SCRN3: variants seen among roughly 807,000 people sequenced by gnomAD.
SCRN3 encodes secernin 3, also known as secernin-3.
A neutral mutation model predicts 43.1 loss-of-function variants in SCRN3; 39 were observed. The observed-to-expected ratio is 0.91, with a 90% confidence interval of 0.70 to 1.18. The LOEUF (loss-of-function observed/expected upper bound fraction) is 1.18. SCRN3 is among the 50% of genes most tolerant of loss of function. The pLI, the probability that SCRN3 is intolerant of heterozygous loss-of-function variation, is 0.00. For missense variants in SCRN3, 484 were observed against 498.0 expected, an observed-to-expected ratio of 0.97 and a Z score of 0.27; for synonymous variants, 147 against 163.1, an observed-to-expected ratio of 0.90 and a Z score of 0.75.
intron 7 of SCRN3, among the ~76,000 whole-genome samples, chr2:174,426,747 G>C (rs2105636002): frequency 6.6e-6 from 1 of 151,816 alleles, no homozygotes; most frequent in African/African-American, 2.4e-5. Flanking sequence ...ACTTTAGCCT[G>C]GGCGACAGAA....
chr2:174,417,407 T>A (rs1056358721), intron 5 of SCRN3, among the ~76,000 whole-genome samples: 3 of 152,216 alleles, frequency 2.0e-5, no homozygotes, highest in Non-Finnish European at 4.4e-5. Context: ...TTATTCTTTT[T>A]TTTTGAGGCA....
chr2:174,401,328 T>C (rs952706957), intron 4 of SCRN3, 139 bp downstream of exon 4: 20 of 671,412 alleles, frequency 3.0e-5, no homozygotes, highest in Non-Finnish European at 3.2e-5. Flanking sequence ...AATTTAAAAA[T>C]TTGAAAGAAC....
chr2:174,422,339 G>C (rs765900633), intron 5 of SCRN3, among the ~76,000 whole-genome samples: 2 of 152,156 alleles, frequency 1.3e-5, no homozygotes, highest in Non-Finnish European at 2.9e-5. Context: ...TCGGGAGGCC[G>C]AGCTGGGGAG....
At chr2:174,423,596 A>G (rs1686368931) in intron 6 of SCRN3, among the ~76,000 whole-genome samples, 1 of 151,856 alleles carries the variant, frequency 6.6e-6, no homozygotes, top group African/African-American at 2.4e-5. Flanking sequence ...CAGCCTCCCT[A>G]GTAGCTGGGA....
chr2:174,410,568 C>T (rs868595813), intron 5 of SCRN3: 1 of 152,180 alleles, frequency 6.6e-6, no homozygotes, highest in Non-Finnish European at 1.5e-5. Context: ...ATTTTCAATG[C>T]TCAGATGCAT....
chr2:174,429,924 T>G (rs1686601030), downstream of SCRN3, among the ~76,000 whole-genome samples: 1 of 152,222 alleles, frequency 6.6e-6, no homozygotes, highest in Non-Finnish European at 1.5e-5. Flanking sequence ...AATATCCATT[T>G]AAGGTTCCTG....
chr2:174,400,949 G>A, intron 3 of SCRN3, 41 bp from the exon 4 acceptor site: 1 of 1,413,740 alleles, frequency 7.1e-7, no homozygotes. Flanking sequence ...AAAAATAATG[G>A]AAATTTATTT....
chr2:174,411,268 A>C (rs145304417), intron 5 of SCRN3, among the ~76,000 whole-genome samples: 1 of 152,218 alleles, frequency 6.6e-6, no homozygotes, highest in Admixed American at 6.5e-5. Flanking sequence ...TATACCCACT[A>C]TATGAATATT....
intron 5 of SCRN3, among the ~76,000 whole-genome samples, chr2:174,405,770 T>G (rs1334345259): frequency 2.0e-5 from 3 of 151,180 alleles, no homozygotes; most frequent in South Asian, 2.1e-4. Flanking sequence ...ATAGTTGTAG[T>G]TATGTGGTGT....
At chr2:174,415,321 C>T (rs1383957978) in intron 5 of SCRN3, among the ~76,000 whole-genome samples, 1 of 150,798 alleles carries the variant, frequency 6.6e-6, no homozygotes, top group Non-Finnish European at 1.5e-5. Flanking sequence ...TACTATGTAC[C>T]CACAAAGAGA....
chr2:174,427,076 C>T (rs147542652), intron 7 of SCRN3, among the ~76,000 whole-genome samples: 23,357 of 152,072 alleles, frequency 0.15, 2,257 homozygotes, highest in Non-Finnish European at 0.23. Context: ...GTGATCCACC[C>T]GCCATGGCCT....
chr2:174,411,287 CAG>C (rs1685908040), intron 5 of SCRN3, among the ~76,000 whole-genome samples: 1 of 152,246 alleles, frequency 6.6e-6, no homozygotes, highest in African/African-American at 2.4e-5. Flanking sequence ...TTTGGTATGA[CAG>C]ATATTTATAT....
intron 5 of SCRN3, among the ~76,000 whole-genome samples, chr2:174,404,764 T>C (rs1473521316): frequency 8.2e-6 from 1 of 122,456 alleles, no homozygotes; most frequent in East Asian, 2.4e-4. Flanking sequence ...ATTTCATCCA[T>C]GTCCCTACAA....
At chr2:174,424,413 A>T in intron 6 of SCRN3, 62 bp from the exon 7 acceptor site, 1 of 1,177,218 alleles carries the variant, frequency 8.5e-7, no homozygotes, top group Non-Finnish European at 1.2e-6. Flanking sequence ...TAGAAGACTT[A>T]GACTAACACT....
At chr2:174,412,805 A>G (rs541168793) in intron 5 of SCRN3, among the ~76,000 whole-genome samples, 1 of 151,502 alleles carries the variant, frequency 6.6e-6, no homozygotes, top group South Asian at 2.1e-4. Context: ...ACAGCATACC[A>G]AAGCCTTTGA....
intron 6 of SCRN3, 37 bp from the exon 7 acceptor site, chr2:174,424,438 A>G (rs1370992720): frequency 5.1e-6 from 7 of 1,380,634 alleles, no homozygotes; most frequent in Non-Finnish European, 4.0e-6. Context: ...ATTTTTATAT[A>G]TTGACATGAT....
In SCRN3 at chr2:174,409,543, T is replaced by C. The variant is rs1355875079; in HGVS notation, c.754+5228T>C. 4.8e-5 allele frequency among the ~76,000 whole-genome samples: 7 copies of C among 145,448 alleles called. 1 individual carries two copies. In the East Asian group the frequency reaches 1.2e-3, roughly 25 times the overall value. The stretch of plus-strand genomic sequence containing the variant: ...GGAGGAGGAGAGACGCTCTGCGTTT[T>C]AGAGTTTCCAGTTTTTCTGTTCTGT... On this transcript the variant is annotated intron_variant, in intron 5 of 7. Coordinates refer to ENST00000272732, the MANE Select transcript of SCRN3 (RefSeq NM_024583.5).
At chr2:174,409,414 G>A (rs943640243) in intron 5 of SCRN3, among the ~76,000 whole-genome samples, 9 of 146,140 alleles carry the variant, frequency 6.2e-5, no homozygotes, top group East Asian at 2.0e-4. Context: ...ATGTCCTCCC[G>A]TAGCTCAGAG....
intron 3 of SCRN3, among the ~76,000 whole-genome samples, 163 bp downstream of exon 3, chr2:174,400,266 T>C (rs1685461616): frequency 6.6e-6 from 1 of 152,102 alleles, no homozygotes; most frequent in Non-Finnish European, 1.5e-5. Flanking sequence ...ACTCTCAGTT[T>C]TGTTTGGTTT....
Sources: gnomAD v4.1 joint callset for allele counts (sites outside exome capture counted in the v4.1 genomes callset) on GRCh38, gnomAD v4.1.1 for gene constraint, MANE v1.5 for transcripts, NCBI Gene and HGNC (gene_info 2026-07-23, HGNC 2026-07-21) for gene names.